The following GRIK4 variants were observed in gnomAD, a reference collection of about 807,000 sequenced individuals.
The protein encoded by GRIK4 is glutamate receptor ionotropic, kainate 4.
In GRIK4, 40 loss-of-function variants were observed where a neutral mutation model predicts 104.9. That is an observed-to-expected ratio of 0.38 (90% confidence interval 0.30 to 0.50). The LOEUF is 0.50. Ranked by LOEUF, GRIK4 falls within the 20% of genes least tolerant of loss-of-function variation. GRIK4 has a pLI of 0.93. For synonymous variants in GRIK4, 485 were observed against 524.9 expected (o/e 0.92, Z 1.04); for missense variants, 1,047 against 1,308.1 (o/e 0.80, Z 3.08).
intron 1 of GRIK4, among the ~76,000 whole-genome samples, chr11:120,636,151 T>G (rs1949394116): frequency 6.6e-6 from 1 of 152,252 alleles, no homozygotes; most frequent in Non-Finnish European, 1.5e-5. Flanking sequence ...TACTACAGTT[T>G]ATTCTATGGT....
At chr11:120,658,150 AC>A (rs1949743300) in intron 2 of GRIK4, among the ~76,000 whole-genome samples, 1 of 142,500 alleles carries the variant, frequency 7.0e-6, no homozygotes, top group African/African-American at 3.1e-5. Context: ...AATCTTTTGT[AC>A]CAGTCTTTTT....
chr11:120,538,298 AAG>A (rs1947999306), intron 1 of GRIK4, among the ~76,000 whole-genome samples: 1 of 152,192 alleles, frequency 6.6e-6, no homozygotes, highest in Admixed American at 6.5e-5. Flanking sequence ...CTGGGGAAGA[AAG>A]AGGGGAGAAC....
rs531061742 is a variant in GRIK4, at chr11:120,685,993, T to C, written c.82+25593T>C. Among the ~76,000 whole-genome samples, 148 of 152,298 alleles carry C rather than the reference T, an allele frequency of 9.7e-4. 1 individual carries two copies. Among genetic ancestry groups the C allele is most frequent in the Non-Finnish European group, 1.7e-3 (116 of 68,024 alleles). ...TCAACATGTGTTGATCTACTTAGGCTGTAGATTTCAGCTGAGGGATGTTGG... is the reference window on the plus strand; with the variant it reads ...TCAACATGTGTTGATCTACTTAGGCCGTAGATTTCAGCTGAGGGATGTTGG... On this transcript the variant is annotated intron_variant, in intron 3 of 20. Transcript: ENST00000527524.
chr11:120,707,341 T>C (rs1457436279), intron 3 of GRIK4, among the ~76,000 whole-genome samples: 2 of 152,138 alleles, frequency 1.3e-5, no homozygotes, highest in Non-Finnish European at 2.9e-5. Flanking sequence ...CTGCTGAGGG[T>C]GAACCATTGA....
intron 13 of GRIK4, among the ~76,000 whole-genome samples, chr11:120,908,884 C>T (rs1253006934): frequency 2.0e-5 from 3 of 152,252 alleles, no homozygotes; most frequent in African/African-American, 7.2e-5. Flanking sequence ...GGTAACAGCA[C>T]TCGAGGTGCA....
intron 3 of GRIK4, among the ~76,000 whole-genome samples, chr11:120,741,426 G>A (rs375369756): frequency 3.6e-4 from 54 of 151,864 alleles, no homozygotes; most frequent in South Asian, 2.1e-4. Context: ...CTACAGGCAC[G>A]CACCACCACG....
intron 11 of GRIK4, among the ~76,000 whole-genome samples, chr11:120,879,936 C>T (rs942252440): frequency 8.5e-5 from 13 of 152,208 alleles, no homozygotes; most frequent in South Asian, 4.1e-4. Flanking sequence ...TAATATCCTT[C>T]GTTTAACTTG....
intron 3 of GRIK4, among the ~76,000 whole-genome samples, chr11:120,776,787 G>A (rs1174957934): frequency 6.6e-6 from 1 of 152,206 alleles, no homozygotes; most frequent in Non-Finnish European, 1.5e-5. Flanking sequence ...GGTTCCTGTT[G>A]GCTGGAGGCC....
At chr11:120,866,097 A>G (rs192180376) in intron 9 of GRIK4, among the ~76,000 whole-genome samples, 173 of 152,224 alleles carry the variant, frequency 1.1e-3, no homozygotes, top group African/African-American at 4.1e-3. Context: ...CCTTTATCCA[A>G]CCCACCCGGG....
chr11:120,836,615 C>T (rs932935908), intron 7 of GRIK4, among the ~76,000 whole-genome samples, 176 bp from the exon 8 acceptor site: 18 of 152,200 alleles, frequency 1.2e-4, no homozygotes, highest in African/African-American at 3.6e-4. Context: ...ACCAGAATTT[C>T]TGTGCTCCAT....
At chr11:120,870,729 GTT>G (rs66533545) in intron 9 of GRIK4, 4,535 of 142,510 alleles carry the variant, frequency 0.032, 188 homozygotes, top group African/African-American at 0.097. Context: ...CAGATGAGTG[GTT>G]TTTTTTTTTT....
intron 16 of GRIK4, among the ~76,000 whole-genome samples, chr11:120,958,421 G>C (rs1944215336): frequency 6.6e-6 from 1 of 152,234 alleles, no homozygotes; most frequent in South Asian, 2.1e-4. Context: ...ACTCCAGGTG[G>C]TCACTGCGCT....
At chr11:120,751,795 C>G (rs975409384) in intron 3 of GRIK4, among the ~76,000 whole-genome samples, 4 of 152,208 alleles carry the variant, frequency 2.6e-5, no homozygotes, top group Admixed American at 6.5e-5. Context: ...CGGGCTGGCT[C>G]CTGTGCTCCC....
At chr11:120,515,543 A>G (rs1947715281) in intron 1 of GRIK4, among the ~76,000 whole-genome samples, 1 of 152,082 alleles carries the variant, frequency 6.6e-6, no homozygotes, top group Admixed American at 6.5e-5. Flanking sequence ...GGGCTGGCTG[A>G]GCCCCCTGCT....
At chr11:120,888,209 T>C (rs920310172) in intron 11 of GRIK4, among the ~76,000 whole-genome samples, 2 of 152,148 alleles carry the variant, frequency 1.3e-5, no homozygotes, top group African/African-American at 4.8e-5. Context: ...GTTTACTAAA[T>C]GTTTAACTGT....
At chr11:120,811,417 G>A (rs1010317586) in intron 4 of GRIK4, among the ~76,000 whole-genome samples, 2 of 152,172 alleles carry the variant, frequency 1.3e-5, no homozygotes, top group Non-Finnish European at 2.9e-5. Context: ...GGTCTTTGGG[G>A]AAATGGGTGG....
At chr11:120,742,026 A>G (rs1951341565) in intron 3 of GRIK4, among the ~76,000 whole-genome samples, 1 of 152,082 alleles carries the variant, frequency 6.6e-6, no homozygotes, top group South Asian at 2.1e-4. Flanking sequence ...AATTAAGGAA[A>G]GGTTTGGTCA....
chr11:120,579,499 G>A (rs780583865), intron 1 of GRIK4, among the ~76,000 whole-genome samples: 18 of 152,208 alleles, frequency 1.2e-4, no homozygotes, highest in Non-Finnish European at 2.1e-4. Context: ...GGCCTTGTGT[G>A]CCAGGGAAGG....
chr11:120,616,656 C>T (rs1949119251), intron 1 of GRIK4, among the ~76,000 whole-genome samples: 2 of 152,210 alleles, frequency 1.3e-5, no homozygotes, highest in Non-Finnish European at 2.9e-5. Flanking sequence ...ATGCACAAGG[C>T]ACCAGACCCC....
Sources: allele counts gnomAD v4.1 joint callset (sites outside exome capture counted in the v4.1 genomes callset), GRCh38; gene constraint gnomAD v4.1.1; transcripts MANE v1.5; gene names NCBI Gene and HGNC (gene_info 2026-07-23, HGNC 2026-07-21).